Variants in DENND4C observed in about 807,000 individuals in gnomAD.
The protein encoded by DENND4C is DENN domain-containing protein 4C.
Under a neutral mutation model 203.0 loss-of-function variants are expected in DENND4C, and 108 were observed. The ratio of observed to expected loss-of-function variants is 0.53; its 90% CI spans 0.46 to 0.62. The LOEUF is 0.62. DENND4C is among the 20% of genes least tolerant of loss of function. DENND4C has a pLI of 0.00. For synonymous variants in DENND4C, 871 were observed against 792.4 expected (o/e 1.10, Z -1.67); for missense variants, 2,481 against 2,301.2 (o/e 1.08, Z -1.60).
chr9:19,276,611 C>T (rs1329318038), intron 2 of DENND4C, 132 bp downstream of exon 2: 2 of 516,250 alleles, frequency 3.9e-6, no homozygotes, highest in Non-Finnish European at 3.0e-6. Context: ...TTTATGGTTA[C>T]TTCAGGATTC....
At position 19,324,206 on chromosome 9, in the gene DENND4C, T is replaced by C. The variant is rs74589520; in HGVS notation, c.1808-156T>C. Reference sequence around the variant, plus strand: ...CACTTTTGGTCCCAAGCATTTCAGATAAGAGATACTCAACCTATAGAAGCT... The same window carrying C: ...CACTTTTGGTCCCAAGCATTTCAGACAAGAGATACTCAACCTATAGAAGCT... On this transcript the variant is annotated intron_variant, in intron 12 of 32. Coordinates refer to ENST00000434457, the MANE Select transcript of DENND4C (RefSeq NM_001330640.2). Among the ~76,000 whole-genome samples the C allele has an allele frequency of 7.4e-3, 1,121 of 152,138 alleles. 16 individuals carry two copies. Among genetic ancestry groups the C allele is most frequent in the African/African-American group, 0.026 (1,084 of 41,530 alleles).
intron 23 of DENND4C, among the ~76,000 whole-genome samples, chr9:19,347,415 G>A (rs1033779404): frequency 6.6e-6 from 1 of 152,198 alleles, no homozygotes; most frequent in African/African-American, 2.4e-5. Context: ...ACAGGCATGA[G>A]CCACCATGCC....
At chr9:19,317,334 T>G (rs1588906135) in intron 12 of DENND4C, among the ~76,000 whole-genome samples, 1 of 152,132 alleles carries the variant, frequency 6.6e-6, no homozygotes, top group Non-Finnish European at 1.5e-5. Context: ...GTGTACACTT[T>G]TGGCTTTACA....
At chr9:19,284,387 TCA>T (rs1459628126) in intron 2 of DENND4C, among the ~76,000 whole-genome samples, 1 of 152,222 alleles carries the variant, frequency 6.6e-6, no homozygotes, top group African/African-American at 2.4e-5. Flanking sequence ...TGGATTGTTC[TCA>T]GTTTTGTGCT....
chr9:19,318,135 A>G (rs1022604106), intron 12 of DENND4C, among the ~76,000 whole-genome samples: 21 of 152,190 alleles, frequency 1.4e-4, no homozygotes, highest in African/African-American at 5.1e-4. Flanking sequence ...CCTGGCCAAC[A>G]TGGTGAAACC....
At chr9:19,313,925 T>G (rs118062497) in intron 10 of DENND4C, among the ~76,000 whole-genome samples, 1 of 152,278 alleles carries the variant, frequency 6.6e-6, no homozygotes, top group East Asian at 1.9e-4. Flanking sequence ...ATAAGAATGA[T>G]GCAGTGATTA....
chr9:19,345,770 CT>C (rs1822747494), intron 22 of DENND4C, 150 bp from the exon 23 acceptor site: 40 of 736,616 alleles, frequency 5.4e-5, no homozygotes, highest in East Asian at 9.0e-5. Context: ...TTCCAGTGCA[CT>C]TTTTTTTATA....
intron 1 of DENND4C, among the ~76,000 whole-genome samples, chr9:19,270,436 C>G (rs1831411267): frequency 6.6e-6 from 1 of 152,256 alleles, no homozygotes; most frequent in East Asian, 1.9e-4. Context: ...CTTTAGGAAT[C>G]TACTTGGTGC....
At chr9:19,364,724 C>T (rs886664191) in intron 30 of DENND4C, among the ~76,000 whole-genome samples, 1 of 152,098 alleles carries the variant, frequency 6.6e-6, no homozygotes, top group African/African-American at 2.4e-5. Flanking sequence ...AAAACCCCGC[C>T]TCTACTAAAA....
At chr9:19,328,905 G>C (rs1262153050) in intron 16 of DENND4C, among the ~76,000 whole-genome samples, 2 of 151,824 alleles carry the variant, frequency 1.3e-5, no homozygotes, top group Non-Finnish European at 2.9e-5. Context: ...AAAATTAGCT[G>C]GGTGTGGTGG....
intron 1 of DENND4C, among the ~76,000 whole-genome samples, chr9:19,239,460 A>G (rs1159914208): frequency 6.6e-6 from 1 of 151,786 alleles, no homozygotes. Context: ...CATGCTGCAT[A>G]ATTTATATTC....
rs770190915 is a variant in DENND4C at position 19,346,885 on chromosome 9, A to G, written c.4116A>G (p.Ser1372=). 4 of 1,614,122 alleles carry G rather than the reference A, an allele frequency of 2.5e-6. No individual in the cohort carries two copies. The African/African-American group carries it at 4.0e-5, about 16-fold the overall frequency. ...QTPSRTHKER[S]TSLSALVRSS... ...CCTCTCGAACTCATAAAGAACGTTCAACTTCTTTGTCAGCACTGGTGCGTT... is the reference window on the plus strand; with the variant it reads ...CCTCTCGAACTCATAAAGAACGTTCGACTTCTTTGTCAGCACTGGTGCGTT... Residue 1372 remains serine (S), a synonymous_variant, in exon 23 of 33, where the codon TCA becomes TCG. Coordinates refer to ENST00000434457, the MANE Select transcript of DENND4C (RefSeq NM_001330640.2).
At chr9:19,307,001 C>T (rs1839814841) in intron 10 of DENND4C, among the ~76,000 whole-genome samples, 1 of 152,034 alleles carries the variant, frequency 6.6e-6, no homozygotes, top group African/African-American at 2.4e-5. Context: ...CCAGGCTGGT[C>T]TTGAACTGCT....
intron 2 of DENND4C, among the ~76,000 whole-genome samples, chr9:19,277,972 ATCTT>A (rs1040925297): frequency 1.3e-5 from 2 of 151,606 alleles, no homozygotes; most frequent in African/African-American, 4.8e-5. Context: ...CTTTTGTTGA[ATCTT>A]TCTTTTAATA....
At chr9:19,310,594 C>G (rs1840548099) in intron 10 of DENND4C, among the ~76,000 whole-genome samples, 1 of 152,112 alleles carries the variant, frequency 6.6e-6, no homozygotes, top group African/African-American at 2.4e-5. Flanking sequence ...GTTTTGATAT[C>G]TTAATTATAA....
chr9:19,238,998 C>T lies in DENND4C; in HGVS notation c.-18+8165C>T, dbSNP rs560188937. 2.1e-4 allele frequency among the ~76,000 whole-genome samples: 32 copies of T among 151,976 alleles called. 2 individuals are homozygous for T. The highest frequency in any genetic ancestry group is 4.6e-4 in the Admixed American group (7 of 15,252). ...TTTTTAATGTCTAGAGGACCTGTAA[C>T]GATATGCCTTCTATCATTGCTCATA... On this transcript the variant is annotated intron_variant, in intron 1 of 32. Coordinates refer to ENST00000434457, the MANE Select transcript of DENND4C (RefSeq NM_001330640.2).
rs759200842 is a variant in DENND4C, at chr9:19,360,311, G to A, written c.5228G>A (p.Arg1743His). 3.0e-5 allele frequency: 49 copies of A among 1,613,838 alleles called. No individual in the cohort carries two copies. In the East Asian group the frequency reaches 3.3e-4, roughly 11 times the overall value. ...CCCTACTTGAGTCCTCTAGTACTCC[G>A]TAAAGAACTTGAATCTTTGCTAGAA... ...SVPYLSPLVL[R>H]KELESLLENE... Residue 1743 changes from arginine (R) to histidine (H), a missense_variant, in exon 29 of 33, where the codon CGT becomes CAT. By Grantham distance (29) the Arg-to-His change is conservative (BLOSUM62 0). Transcript: ENST00000434457.
At chr9:19,330,399 G>A (rs1052159844) in intron 16 of DENND4C, among the ~76,000 whole-genome samples, 27 of 141,144 alleles carry the variant, frequency 1.9e-4, no homozygotes, top group African/African-American at 7.0e-4. Context: ...GAGTGCAGTG[G>A]CACGATTTCG....
Position 19,346,517 on chromosome 9 carries a change from C to G in DENND4C, c.3748C>G (p.Leu1250Val). ...VVQREDVETGLDPLSLLATEC... is the reference protein window; with the variant it reads ...VVQREDVETGVDPLSLLATEC... The stretch of plus-strand genomic sequence containing the variant: ...TCAGAGGGAAGATGTTGAAACTGGA[C>G]TAGATCCTTTGTCTCTTTTAGCCAC... Residue 1250 changes from leucine (L) to valine (V), a missense_variant, in exon 23 of 33, where the codon CTA (leucine) becomes GTA (valine). Around this residue, in one of 3 missense-constraint regions of DENND4C, gnomAD observed 2,289 missense variants for 2,113.3 expected, o/e 1.08. Coordinates refer to ENST00000434457, the MANE Select transcript of DENND4C (RefSeq NM_001330640.2). The G allele has an allele frequency of 6.2e-7, 1 of 1,614,154 alleles. No homozygotes were observed. Among genetic ancestry groups the G allele is most frequent in the Non-Finnish European group, 8.5e-7 (1 of 1,180,026 alleles).
Sources: allele counts gnomAD v4.1 joint callset (sites outside exome capture counted in the v4.1 genomes callset), GRCh38; gene constraint gnomAD v4.1.1; regional missense constraint gnomAD v4.1.1; transcripts MANE v1.5; gene names NCBI Gene and HGNC (gene_info 2026-07-23, HGNC 2026-07-21).